Variants in RIC1 observed in about 807,000 individuals in gnomAD.
RIC1 encodes guanine nucleotide exchange factor subunit RIC1.
RIC1 carries 88 observed loss-of-function variants against 169.0 expected under a neutral mutation model. That is an observed-to-expected ratio of 0.52 (90% CI 0.44 to 0.62). The LOEUF is 0.62. Among genes scored for constraint, RIC1 ranks in the 20% least tolerant of loss-of-function variants. The probability of loss-of-function intolerance (pLI) is 0.00; values close to 1 mark genes in which losing one functional copy is unlikely to be tolerated. For synonymous variants in RIC1, 790 were observed against 601.5 expected, an observed-to-expected ratio of 1.31 and a Z score of -4.59; for missense variants, 1,877 against 1,725.5, an observed-to-expected ratio of 1.09 and a Z score of -1.56.
chr9:5,770,160 C>A lies in RIC1; in HGVS notation c.3498C>A (p.Asn1166Lys). 1.2e-6 allele frequency: 2 copies of A among 1,613,958 alleles called. No homozygotes were observed. Among genetic ancestry groups the A allele is most frequent in the Non-Finnish European group, 1.7e-6 (2 of 1,179,900 alleles). Residue 1166 changes from asparagine to lysine, a missense_variant, in exon 23 of 26, where the codon AAC (asparagine) becomes AAA (lysine). By Grantham distance (94) the Asn-to-Lys change is moderately conservative (BLOSUM62 0). Coordinates refer to ENST00000414202, the MANE Select transcript of RIC1 (RefSeq NM_020829.4). Reference protein sequence around the residue: ...LNLEMDAGISNIQRSQSWLSN... With the variant: ...LNLEMDAGISKIQRSQSWLSN... ...TTGAGATGGATGCTGGCATCTCCAA[C>A]ATCCAGCGAAGTCAGAGCTGGCTCA...
Position 5,641,673 on chromosome 9 carries a change from C to G in RIC1, c.144+12220C>G, listed in dbSNP as rs1275682379. On this transcript the variant is annotated intron_variant, in intron 1 of 25. Transcript: ENST00000414202. ...TAGCCTGTCTCCAAGCCCACTAATT[C>G]TTTCTTCTGCTTGATCAATTCTGCT... Among the ~76,000 whole-genome samples the G allele has an allele frequency of 3.5e-5, 4 of 115,268 alleles. 1 individual carries two copies. The highest frequency in any genetic ancestry group is 6.9e-5 in the Non-Finnish European group (4 of 58,310). 75.6% of individuals were successfully genotyped at this position (115,268 alleles called of 152,430 possible).
chr9:5,681,125 C>T lies in RIC1; in HGVS notation c.253-8834C>T, dbSNP rs577287795. ...ACAGGCGTGAGCCACCGCGCCCGGC[C>T]GATTTTTTTTAAGGTTTTTTTGTGT... is the stretch of plus-strand genomic sequence containing the variant. On this transcript the variant is annotated intron_variant, in intron 2 of 25. Coordinates refer to ENST00000414202, the MANE Select transcript of RIC1 (RefSeq NM_020829.4). 1.7e-3 allele frequency among the ~76,000 whole-genome samples: 256 copies of T among 152,140 alleles called. 1 individual carries two copies. Among genetic ancestry groups the T allele is most frequent in the Middle Eastern group, 6.8e-3 (2 of 294 alleles).
chr9:5,720,052 G>C (rs1219621445), intron 4 of RIC1, 130 bp from the exon 5 acceptor site: 1 of 629,714 alleles, frequency 1.6e-6, no homozygotes, highest in Non-Finnish European at 2.6e-6. Flanking sequence ...TAAAGTTGCA[G>C]ATAAATGGAG....
intron 2 of RIC1, among the ~76,000 whole-genome samples, chr9:5,680,090 T>G (rs1231510225): frequency 6.6e-6 from 1 of 152,206 alleles, no homozygotes; most frequent in Non-Finnish European, 1.5e-5. Flanking sequence ...CTGCATCTAT[T>G]GAGATAATCA....
At chr9:5,736,803 A>G (rs1236074156) in intron 7 of RIC1, among the ~76,000 whole-genome samples, 1 of 152,168 alleles carries the variant, frequency 6.6e-6, no homozygotes, top group Non-Finnish European at 1.5e-5. Flanking sequence ...ATTATCCAAA[A>G]TGGAACACAG....
chr9:5,673,738 A>G (rs1162229271), intron 2 of RIC1, among the ~76,000 whole-genome samples: 2 of 151,820 alleles, frequency 1.3e-5, no homozygotes, highest in Non-Finnish European at 1.5e-5. Context: ...ATCAAATTGC[A>G]TGGTAATGTG....
At chr9:5,753,438 T>G (rs1825833929) in intron 13 of RIC1, 98 bp from the exon 14 acceptor site, 1 of 842,014 alleles carries the variant, frequency 1.2e-6, no homozygotes, top group South Asian at 1.7e-5. Context: ...AGCAAACATT[T>G]ATTAATTGTC....
chr9:5,706,881 T>C (rs1198038673), intron 3 of RIC1, among the ~76,000 whole-genome samples: 3 of 152,192 alleles, frequency 2.0e-5, no homozygotes, highest in Admixed American at 2.0e-4. Flanking sequence ...CAACTTGCTT[T>C]AATTGATTTT....
intron 1 of RIC1, among the ~76,000 whole-genome samples, chr9:5,639,779 A>G (rs1403577602): frequency 6.6e-6 from 1 of 152,182 alleles, no homozygotes; most frequent in Admixed American, 6.5e-5. Flanking sequence ...GCATATGTAC[A>G]TATGATTGTT....
chr9:5,764,056 T>C (rs972753681), intron 19 of RIC1, among the ~76,000 whole-genome samples, 188 bp downstream of exon 19: 3 of 152,216 alleles, frequency 2.0e-5, no homozygotes, highest in Non-Finnish European at 2.9e-5. Context: ...CAGAGATATT[T>C]TTTCCATTGT....
At chr9:5,769,325 T>C in intron 22 of RIC1, 69 bp downstream of exon 22, 4 of 1,613,826 alleles carry the variant, frequency 2.5e-6, no homozygotes, top group Non-Finnish European at 3.4e-6. Flanking sequence ...CACATTTTGC[T>C]ATTAGTTGAT....
At position 5,656,640 on chromosome 9, in the gene RIC1, T is replaced by G; in HGVS notation, c.202T>G (p.Ser68Ala). Reference sequence around the variant, plus strand: ...TGCAAAATCATCTACTCAGTTTGGATCCTACAAGCAAGCTGAATGGAGGCC... The same window carrying G: ...TGCAAAATCATCTACTCAGTTTGGAGCCTACAAGCAAGCTGAATGGAGGCC... ...EPAKSSTQFGSYKQAEWRPDS... is the reference protein window; with the variant it reads ...EPAKSSTQFGAYKQAEWRPDS... The change falls in exon 2 of 26, where the codon TCC (serine) becomes GCC (alanine). Residue 68 changes from serine to alanine, a missense_variant. Transcript: ENST00000414202. 1 of 1,611,634 alleles carries G rather than the reference T, an allele frequency of 6.2e-7. No homozygotes were observed. The highest frequency in any genetic ancestry group is 8.5e-7 in the Non-Finnish European group (1 of 1,178,556).
rs1046279816 is a variant in RIC1 at position 5,703,158 on chromosome 9, T to G, written c.333-10738T>G. Among the ~76,000 whole-genome samples the G allele has an allele frequency of 3.3e-5, 5 of 152,134 alleles. 1 individual carries two copies. The highest frequency in any genetic ancestry group is 1.2e-4 in the African/African-American group (5 of 41,410). ...GAAGTCTCATCTGAGACAAAACTAG[T>G]CTCTTCTGCCTATGAGCCTGTAAAA... On this transcript the variant is annotated intron_variant, in intron 3 of 25. Coordinates refer to ENST00000414202, the MANE Select transcript of RIC1 (RefSeq NM_020829.4).
intron 4 of RIC1, among the ~76,000 whole-genome samples, chr9:5,717,713 C>T (rs1019143445): frequency 1.3e-5 from 2 of 151,754 alleles, no homozygotes; most frequent in Admixed American, 6.6e-5. Context: ...GGCGTGGTGG[C>T]GCATGCCTGT....
intron 7 of RIC1, among the ~76,000 whole-genome samples, chr9:5,733,978 T>C (rs1280232972): frequency 6.7e-6 from 1 of 149,736 alleles, no homozygotes; most frequent in East Asian, 1.9e-4. Flanking sequence ...TTATTGTGGA[T>C]TTTTTTGGAC....
At chr9:5,698,565 A>G (rs1454516294) in intron 3 of RIC1, among the ~76,000 whole-genome samples, 4 of 152,164 alleles carry the variant, frequency 2.6e-5, no homozygotes, top group Middle Eastern at 6.3e-3. Flanking sequence ...CTTTCTTGTG[A>G]TATTTTTCTT....
chr9:5,674,449 A>T (rs1447751570), intron 2 of RIC1, among the ~76,000 whole-genome samples: 1 of 152,180 alleles, frequency 6.6e-6, no homozygotes, highest in Non-Finnish European at 1.5e-5. Context: ...ATTTATCTTA[A>T]CATCTCCACA....
intron 17 of RIC1, among the ~76,000 whole-genome samples, chr9:5,757,821 A>G (rs1398545021): frequency 6.6e-6 from 1 of 152,238 alleles, no homozygotes; most frequent in East Asian, 1.9e-4. Flanking sequence ...TGGAAGGAAC[A>G]GTAGTGCAAA....
rs182086804 is a variant in RIC1 at position 5,739,701 on chromosome 9, C to T, written c.901+1163C>T. Among the ~76,000 whole-genome samples, 175 of 152,232 alleles carry T rather than the reference C, an allele frequency of 1.1e-3. 2 individuals carry two copies. The highest frequency in any genetic ancestry group is 0.01 in the Admixed American group (156 of 15,302). On this transcript the variant is annotated intron_variant, in intron 8 of 25. Coordinates refer to ENST00000414202, the MANE Select transcript of RIC1 (RefSeq NM_020829.4). ...TAATCCTCAGACAAAGGTGGAAGGG[C>T]TAATGGCAGCATGGGTCCAGGAGGG... is the stretch of plus-strand genomic sequence containing the variant.
Sources: allele counts gnomAD v4.1 joint callset (sites outside exome capture counted in the v4.1 genomes callset), GRCh38; gene constraint gnomAD v4.1.1; transcripts MANE v1.5; gene names NCBI Gene and HGNC (gene_info 2026-07-23, HGNC 2026-07-21).